The following CSF2RA variants were observed in gnomAD, a reference collection of about 807,000 sequenced individuals.
CSF2RA encodes the protein colony stimulating factor 2 receptor subunit alpha.
CSF2RA carries 42 observed loss-of-function variants against 51.6 expected under a neutral mutation model. The ratio of observed to expected loss-of-function variants is 0.81; its 90% CI spans 0.64 to 1.05. The LOEUF (loss-of-function observed/expected upper bound fraction) is 1.05, where lower values mean the gene tolerates loss of function less well. Ranked by LOEUF, CSF2RA falls within the 50% of genes least tolerant of loss-of-function variation. The pLI, the probability that CSF2RA is intolerant of heterozygous loss-of-function variation, is 0.00. For synonymous variants in CSF2RA, 222 were observed against 193.0 expected (o/e 1.15, Z -1.24); for missense variants, 530 against 501.1 (o/e 1.06, Z -0.55).
intron 7 of CSF2RA, among the ~76,000 whole-genome samples, chrX:1,291,530 G>A (rs748460920): frequency 3.3e-5 from 5 of 151,748 alleles, no homozygotes; most frequent in Middle Eastern, 3.4e-3. Flanking sequence ...ATGCCCACAC[G>A]CTCTCCTCTT....
intron 10 of CSF2RA, chrX:1,303,025 C>A: frequency 4.7e-6 from 1 of 214,976 alleles, no homozygotes; most frequent in Non-Finnish European, 8.4e-6. Flanking sequence ...ACATGCATCA[C>A]GCTTGGCCAA....
downstream of CSF2RA, among the ~76,000 whole-genome samples, chrX:1,311,340 C>G (rs1372760594): frequency 6.6e-6 from 1 of 152,086 alleles, no homozygotes; most frequent in Admixed American, 6.5e-5. Context: ...GCTCCCCTTC[C>G]TCTCCCACCA....
At chrX:1,287,636 G>A (rs1343821919) in intron 4 of CSF2RA, among the ~76,000 whole-genome samples, 5 of 143,526 alleles carry the variant, frequency 3.5e-5, no homozygotes, top group East Asian at 4.1e-4. Flanking sequence ...TAGAGACGGG[G>A]TTTCACCATG....
At chrX:1,314,531 C>CTCTG (rs1569514921), downstream of CSF2RA, among the ~76,000 whole-genome samples, 10 of 123,986 alleles carry the variant, frequency 8.1e-5, 1 homozygote, top group African/African-American at 3.0e-4. Context: ...CCCAATCCCA[C>CTCTG]TGCACCTGCC....
At chrX:1,287,952 G>A (rs190194777) in intron 4 of CSF2RA, among the ~76,000 whole-genome samples, 1,453 of 135,948 alleles carry the variant, frequency 0.011, no homozygotes, top group Middle Eastern at 0.068. Flanking sequence ...GGCCAGGCTG[G>A]TCTTGAACTC....
At chrX:1,315,173 G>T (rs1196644182), downstream of CSF2RA, among the ~76,000 whole-genome samples, 1 of 152,118 alleles carries the variant, frequency 6.6e-6, no homozygotes, top group Non-Finnish European at 1.5e-5. Flanking sequence ...TGCAGGTGGA[G>T]AAAAGAGAGG....
chrX:1,306,386 T>C (rs1381525319), intron 12 of CSF2RA, among the ~76,000 whole-genome samples: 1 of 151,236 alleles, frequency 6.6e-6, no homozygotes, highest in Middle Eastern at 3.2e-3. Context: ...GTGACTCACA[T>C]CTGTCATCCC....
chrX:1,300,268 C>A (rs749215750), intron 9 of CSF2RA: 3 of 563,576 alleles, frequency 5.3e-6, no homozygotes, highest in South Asian at 2.5e-5. Flanking sequence ...CCTACATCAC[C>A]CAAATTTTCC....
At chrX:1,295,552 GA>G in intron 9 of CSF2RA, 96 bp downstream of exon 9, 23 of 883,970 alleles carry the variant, frequency 2.6e-5, no homozygotes, top group South Asian at 5.9e-5. Flanking sequence ...CCCTACTCAT[GA>G]CCCCTACAGT....
intron 1 of CSF2RA, among the ~76,000 whole-genome samples, chrX:1,269,722 C>T (rs1221720512): frequency 7.9e-5 from 12 of 151,936 alleles, no homozygotes; most frequent in Non-Finnish European, 1.8e-4. Flanking sequence ...GAAAGGGGTC[C>T]TGATCCAGAC....
intron 10 of CSF2RA, chrX:1,302,955 T>A: frequency 3.9e-6 from 1 of 254,256 alleles, no homozygotes; most frequent in Non-Finnish European, 7.2e-6. Context: ...CACTGCAACC[T>A]CCGCCTCCCG....
intron 12 of CSF2RA, 136 bp from the exon 13 acceptor site, chrX:1,309,266 G>C (rs1280199712): frequency 4.5e-5 from 40 of 889,072 alleles, no homozygotes; most frequent in Non-Finnish European, 7.3e-5. Context: ...AGTGAGCTGA[G>C]ATGACACCAC....
intron 2 of CSF2RA, among the ~76,000 whole-genome samples, chrX:1,280,868 C>CCTGCTCCTTCTCCTCCTCCTCCTCCTT (rs1405205173): frequency 7.4e-6 from 1 of 135,390 alleles, no homozygotes; most frequent in African/African-American, 3.0e-5. Context: ...TCCTCCTCCT[C>CCTGCTCCTTCTCCTCCTCCTCCTCCTT]CTCCTTCTCC....
At chrX:1,316,059 A>AATAG in the CSF2RA span, among the ~76,000 whole-genome samples, 155 of 149,148 alleles carry the variant, frequency 1.0e-3, 1 homozygote, top group South Asian at 1.9e-3. Context: ...TAGATAGATC[A>AATAG]ATAGATAGAT....
rs1420368650 is a variant in CSF2RA at position 1,295,419 on chromosome X, G to A, written c.781-8G>A. 1.9e-6 allele frequency: 3 copies of A among 1,613,444 alleles called. No individual in the cohort carries two copies. The highest frequency in any genetic ancestry group is 2.5e-6 in the Non-Finnish European group (3 of 1,179,566). ...TGAGCCTTGTGTTGTGTTTTGTTTT[G>A]TTTCTAGAATACCCAGCCTGGCACG... On this transcript the variant is annotated splice_region_variant and splice_polypyrimidine_tract_variant and intron_variant, in intron 8 of 12. Coordinates refer to ENST00000381529, the MANE Select transcript of CSF2RA (RefSeq NM_172245.4).
the CSF2RA span, among the ~76,000 whole-genome samples, chrX:1,317,543 G>A: frequency 1.3e-5 from 2 of 148,210 alleles, no homozygotes; most frequent in Non-Finnish European, 3.0e-5. Flanking sequence ...GAGCCACCAC[G>A]CCCAGCTTTT....
chrX:1,270,214 A>G (rs1184258825), intron 1 of CSF2RA, among the ~76,000 whole-genome samples: 1 of 150,026 alleles, frequency 6.7e-6, no homozygotes. Flanking sequence ...TGCAGTAATC[A>G]ATATTGTATA....
downstream of CSF2RA, among the ~76,000 whole-genome samples, chrX:1,312,511 G>A (rs2084234400): frequency 6.6e-6 from 1 of 152,022 alleles, no homozygotes; most frequent in African/African-American, 2.4e-5. Context: ...TCTATCACAT[G>A]GGATTAGGAC....
the CSF2RA span, among the ~76,000 whole-genome samples, chrX:1,322,443 T>TTTG: frequency 1.3e-5 from 1 of 79,832 alleles, no homozygotes; most frequent in South Asian, 2.9e-4. Context: ...GTGTTTGTTT[T>TTTG]TTTTTTTTTT....
Sources: gnomAD v4.1 joint callset for allele counts (sites outside exome capture counted in the v4.1 genomes callset) on GRCh38, gnomAD v4.1.1 for gene constraint, MANE v1.5 for transcripts, NCBI Gene and HGNC (gene_info 2026-07-23, HGNC 2026-07-21) for gene names.